Variants in ZIC3 observed in about 807,000 individuals in gnomAD.
ZIC3 encodes the protein zinc finger protein ZIC 3.
A neutral mutation model predicts 18.3 loss-of-function variants in ZIC3; 6 were observed. That is an observed-to-expected ratio of 0.33 (90% CI 0.18 to 0.65). The LOEUF (loss-of-function observed/expected upper bound fraction) is 0.65. Ranked by LOEUF, ZIC3 falls within the 30% of genes least tolerant of loss-of-function variation. The pLI is 0.75. For synonymous variants in ZIC3, 175 were observed against 177.0 expected (o/e 0.99, Z 0.09); for missense variants, 260 against 410.0 (o/e 0.63, Z 3.16).
chrX:137,573,510 C>T (rs1031799067), downstream of ZIC3, among the ~76,000 whole-genome samples: 4 of 111,974 alleles, frequency 3.6e-5, no homozygotes, highest in Admixed American at 1.9e-4. Context: ...CTCGCTCCTC[C>T]CCCTTCTCCC....
downstream of ZIC3, among the ~76,000 whole-genome samples, chrX:137,573,137 CAAAAA>C (rs369606674): frequency 2.9e-5 from 1 of 35,047 alleles, no homozygotes; most frequent in Non-Finnish European, 5.0e-5. Flanking sequence ...GTACCCCCCC[CAAAAA>C]AAAAAAAAAA....
At chrX:137,568,335 GATCGATCTATCTATCTATCT>G (rs1450286799) in intron 1 of ZIC3, among the ~76,000 whole-genome samples, 6 of 70,266 alleles carry the variant, frequency 8.5e-5, no homozygotes, top group South Asian at 7.4e-4. Flanking sequence ...CCCCTGGATC[GATCGATCTATCTATCTATCT>G]ATCTATCTAT....
At chrX:137,569,092 C>A in intron 2 of ZIC3, 27 bp downstream of exon 2, 4 of 1,207,748 alleles carry the variant, frequency 3.3e-6, no homozygotes, top group Non-Finnish European at 3.4e-6. Flanking sequence ...TAGCGGTCGG[C>A]GGTTTGTAAA....
chrX:137,568,561 G>C (rs1171685275), intron 1 of ZIC3, among the ~76,000 whole-genome samples: 1 of 111,935 alleles, frequency 8.9e-6, no homozygotes, highest in East Asian at 2.8e-4. Context: ...GTGGCGGAAC[G>C]TGGCCGCGCA....
In ZIC3 at chrX:137,570,330, T is replaced by C. The variant is rs41299098; in HGVS notation, c.*260T>C. The C allele has an allele frequency of 1.1e-3, 434 of 381,965 alleles. 2 individuals are homozygous for C. The highest frequency in any genetic ancestry group is 1.8e-3 in the Non-Finnish European group (386 of 217,835). The allele number at this position is 381,965 out of a possible 1,213,427, so 31.5% of individuals were successfully genotyped here. Reference sequence around the variant, plus strand: ...TACTTTTTCTTCCCCTTCCTCTTGCTCTCTGCACACCCCATTCTTAAACTC... The same window carrying C: ...TACTTTTTCTTCCCCTTCCTCTTGCCCTCTGCACACCCCATTCTTAAACTC... On this transcript the variant is annotated 3_prime_UTR_variant, in exon 3 of 3. Transcript: ENST00000287538.
Position 137,569,571 on chromosome X carries a change from G to C in ZIC3, c.1225-320G>C, listed in dbSNP as rs927057186. On this transcript the variant is annotated intron_variant, in intron 2 of 2. Coordinates refer to ENST00000287538, the MANE Select transcript of ZIC3 (RefSeq NM_003413.4). The stretch of plus-strand genomic sequence containing the variant: ...ACGGGCTTGGTGAAACCTGGGCCCG[G>C]AGTTAGTATTTTATAGGACCTCACA... Among the ~76,000 whole-genome samples, 5 of 112,489 alleles carry C rather than the reference G, an allele frequency of 4.4e-5. No homozygotes were observed. The East Asian group carries it at 1.4e-3, about 31-fold the overall frequency.
At chrX:137,572,932 GC>G (rs1192570787), downstream of ZIC3, among the ~76,000 whole-genome samples, 1 of 110,410 alleles carries the variant, frequency 9.1e-6, no homozygotes, top group Non-Finnish European at 1.9e-5. Flanking sequence ...TAAAAGTTTT[GC>G]CCCTGTACAT....
intron 1 of ZIC3, among the ~76,000 whole-genome samples, chrX:137,568,464 G>A (rs571376596): frequency 1.8e-5 from 2 of 111,536 alleles, no homozygotes; most frequent in African/African-American, 3.3e-5. Context: ...ATTTGAAAGA[G>A]GCAAATAAAA....
chrX:137,568,979 C>G lies in ZIC3; in HGVS notation c.1138C>G (p.His380Asp). Residue 380 changes from histidine to aspartate, a missense_variant, in exon 2 of 3, where the codon CAT becomes GAT. Transcript: ENST00000287538. ...ANSSDRKKHM[H>D]VHTSDKPYIC... is the part of the protein sequence containing the mutation. Reference sequence around the variant, plus strand: ...CAGCAGCGACCGTAAGAAGCACATGCATGTGCATACCTCGGACAAGCCCTA... The same window carrying G: ...CAGCAGCGACCGTAAGAAGCACATGGATGTGCATACCTCGGACAAGCCCTA... 8.3e-7 allele frequency: 1 copy of G among 1,211,389 alleles called. No homozygotes were observed. Among genetic ancestry groups the G allele is most frequent in the Non-Finnish European group, 1.1e-6 (1 of 895,392 alleles).
chrX:137,575,166 C>T (rs1407040704), downstream of ZIC3, among the ~76,000 whole-genome samples: 1 of 112,380 alleles, frequency 8.9e-6, no homozygotes, highest in East Asian at 2.8e-4. Context: ...AGTATGTTCT[C>T]TTCCAGGACA....
intron 1 of ZIC3, among the ~76,000 whole-genome samples, 168 bp downstream of exon 1, chrX:137,567,919 T>C (rs1207175399): frequency 8.8e-6 from 1 of 113,260 alleles, no homozygotes; most frequent in African/African-American, 3.2e-5. Flanking sequence ...GCCCTCCCCG[T>C]CCCGTGGCGC....
Position 137,566,640 on chromosome X carries a change from C to T in ZIC3, c.-52C>T, listed in dbSNP as rs968239917. The T allele has an allele frequency of 1.0e-5, 12 of 1,180,710 alleles. No individual in the cohort carries two copies. Among genetic ancestry groups the T allele is most frequent in the Middle Eastern group, 2.5e-4 (1 of 3,931 alleles). On this transcript the variant is annotated 5_prime_UTR_variant, in exon 1 of 3. Coordinates refer to ENST00000287538, the MANE Select transcript of ZIC3 (RefSeq NM_003413.4). ...GCACTTCGGAGATCTCCTCCTTCGC[C>T]GGTACCCTCTCTCACTTCGGCCGGA... is the stretch of plus-strand genomic sequence containing the variant.
In ZIC3 at chrX:137,567,489, G is replaced by A. The variant is rs181042949; in HGVS notation, c.798G>A (p.Lys266=). ...IDEAQLSRPK[K]SCDRTFSTMH... is the part of the protein sequence containing the mutation. ...AGGCTCAGCTGAGCCGGCCCAAGAA[G>A]AGCTGCGACCGGACCTTCAGCACCA... The change falls in exon 1 of 3, where the codon AAG becomes AAA. Residue 266 remains lysine (K), a synonymous_variant. Transcript: ENST00000287538. 8.3e-7 allele frequency: 1 copy of A among 1,210,653 alleles called. No homozygotes were observed. Among genetic ancestry groups the A allele is most frequent in the East Asian group, 3.0e-5 (1 of 33,745 alleles).
At chrX:137,576,168 A>T (rs1931512416), downstream of ZIC3, among the ~76,000 whole-genome samples, 1 of 108,795 alleles carries the variant, frequency 9.2e-6, no homozygotes, top group Non-Finnish European at 1.9e-5. Context: ...AAAGGAAGTA[A>T]ATGGTGCTTG....
chrX:137,576,184 T>C (rs188166975), downstream of ZIC3, among the ~76,000 whole-genome samples: 4 of 109,580 alleles, frequency 3.7e-5, no homozygotes, highest in East Asian at 1.1e-3. Flanking sequence ...GCTTGCTGTA[T>C]ACTCTATTTT....
chrX:137,568,779 G>A (rs1370220633), intron 1 of ZIC3, 123 bp from the exon 2 acceptor site: 8 of 786,563 alleles, frequency 1.0e-5, no homozygotes, highest in Non-Finnish European at 1.5e-5. Context: ...AGATGCAGCA[G>A]CAGCCCCCAG....
chrX:137,568,852 A>G, intron 1 of ZIC3, 50 bp from the exon 2 acceptor site: 3 of 1,200,533 alleles, frequency 2.5e-6, no homozygotes, highest in Non-Finnish European at 3.4e-6. Flanking sequence ...CCTCTGAGAA[A>G]CTCCGGCGCT....
chrX:137,569,808 A>G (rs1931411948), intron 2 of ZIC3, 83 bp from the exon 3 acceptor site: 3 of 976,084 alleles, frequency 3.1e-6, no homozygotes, highest in Non-Finnish European at 4.3e-6. Context: ...TTGTTGTTAC[A>G]GTGCTCGAAT....
chrX:137,568,343 T>G (rs55844420), intron 1 of ZIC3, among the ~76,000 whole-genome samples: 2,195 of 75,088 alleles, frequency 0.029, 25 homozygotes, highest in African/African-American at 0.049. Flanking sequence ...TCGATCGATC[T>G]ATCTATCTAT....
Sources: allele counts gnomAD v4.1 joint callset (sites outside exome capture counted in the v4.1 genomes callset), GRCh38; gene constraint gnomAD v4.1.1; transcripts MANE v1.5; gene names NCBI Gene and HGNC (gene_info 2026-07-23, HGNC 2026-07-21).